MKLN1: variants seen among roughly 807,000 people sequenced by gnomAD.
MKLN1 encodes muskelin 1.
In MKLN1, 18 loss-of-function variants were observed where a neutral mutation model predicts 99.0. That is an observed-to-expected ratio of 0.18 (90% CI 0.13 to 0.27). MKLN1 has a LOEUF of 0.27. Among genes scored for constraint, MKLN1 ranks in the 10% least tolerant of loss-of-function variants. MKLN1 has a pLI of 1.00. For synonymous variants in MKLN1, 288 were observed against 293.2 expected, an observed-to-expected ratio of 0.98 and a Z score of 0.18; for missense variants, 621 against 875.9, an observed-to-expected ratio of 0.71 and a Z score of 3.67.
At chr7:131,148,206 A>G (rs963395822) in intron 2 of MKLN1, among the ~76,000 whole-genome samples, 2 of 152,076 alleles carry the variant, frequency 1.3e-5, no homozygotes, top group African/African-American at 2.4e-5. Flanking sequence ...GAACTACCAC[A>G]TCTGCAGAAT....
chr7:131,281,222 G>A (rs79489971), intron 3 of MKLN1, among the ~76,000 whole-genome samples: 6 of 112,150 alleles, frequency 5.3e-5, no homozygotes, highest in Admixed American at 8.7e-5. Flanking sequence ...TTTTTTTTTT[G>A]TATAGTGTTG....
In MKLN1 at chr7:131,259,187, T is replaced by G. The variant is rs7793099; in HGVS notation, c.-179+56213T>G. ...TGACCACTCATCCTGTGAACCCCTC[T>G]TCTTACCATTAGAAAGTCTGGCCTT... On this transcript the variant is annotated intron_variant, in intron 3 of 7. Transcript: ENST00000416992. Among the ~76,000 whole-genome samples, 1,001 of 152,286 alleles carry G rather than the reference T, an allele frequency of 6.6e-3. 8 individuals carry two copies. Among genetic ancestry groups the G allele is most frequent in the African/African-American group, 0.023 (936 of 41,556 alleles).
chr7:131,311,764 C>T (rs943675679), intron 3 of MKLN1, among the ~76,000 whole-genome samples: 3 of 151,818 alleles, frequency 2.0e-5, no homozygotes, highest in Admixed American at 6.6e-5. Flanking sequence ...AGAGTAAACT[C>T]GGTTTTCCAA....
chr7:131,406,624 G>A (rs1274012223), intron 6 of MKLN1, among the ~76,000 whole-genome samples: 1 of 151,690 alleles, frequency 6.6e-6, no homozygotes, highest in East Asian at 1.9e-4. Flanking sequence ...GTCTAGGATT[G>A]TGTTCATTCC....
intron 2 of MKLN1, among the ~76,000 whole-genome samples, chr7:131,202,595 C>T (rs1009223229): frequency 6.6e-6 from 1 of 152,222 alleles, no homozygotes; most frequent in East Asian, 1.9e-4. Flanking sequence ...CTGTCCTGGG[C>T]ATTATAGGAT....
At chr7:131,173,854 A>G (rs142996603) in intron 2 of MKLN1, among the ~76,000 whole-genome samples, 1 of 152,168 alleles carries the variant, frequency 6.6e-6, no homozygotes, top group African/African-American at 2.4e-5. Context: ...AAAACAAAAC[A>G]ACAAAACAAC....
chr7:131,143,228 G>A (rs1795763069), intron 2 of MKLN1, among the ~76,000 whole-genome samples: 1 of 152,072 alleles, frequency 6.6e-6, no homozygotes, highest in African/African-American at 2.4e-5. Context: ...CAGCACTTTG[G>A]GAGGCCGAGG....
intron 2 of MKLN1, among the ~76,000 whole-genome samples, chr7:131,381,366 A>C (rs113596183): frequency 2.0e-5 from 3 of 152,314 alleles, no homozygotes; most frequent in African/African-American, 7.2e-5. Flanking sequence ...GGGAAGGGTG[A>C]TATTATATCT....
At chr7:131,478,983 T>C in intron 17 of MKLN1, 1 of 374,028 alleles carries the variant, frequency 2.7e-6, no homozygotes, top group Non-Finnish European at 4.9e-6. Flanking sequence ...GCTGTTTTAC[T>C]GATACACACT....
chr7:131,377,817 C>T (rs147047066), intron 2 of MKLN1, among the ~76,000 whole-genome samples: 243 of 152,172 alleles, frequency 1.6e-3, no homozygotes, highest in Non-Finnish European at 2.6e-3. Flanking sequence ...TGATGAGCGA[C>T]GGGTATTACA....
intron 9 of MKLN1, among the ~76,000 whole-genome samples, chr7:131,431,231 C>A (rs200563201): frequency 2.0e-5 from 3 of 149,088 alleles, no homozygotes; most frequent in Non-Finnish European, 4.5e-5. Flanking sequence ...CAAAAAAAAA[C>A]AAAAAAAAAC....
chr7:131,302,152 A>G (rs754607247), intron 3 of MKLN1, among the ~76,000 whole-genome samples: 4 of 152,194 alleles, frequency 2.6e-5, no homozygotes, highest in Non-Finnish European at 5.9e-5. Context: ...CGCCTCTATT[A>G]TATTTTACAT....
chr7:131,266,234 A>G (rs1441933869), intron 3 of MKLN1, among the ~76,000 whole-genome samples: 1 of 151,566 alleles, frequency 6.6e-6, no homozygotes, highest in Non-Finnish European at 1.5e-5. Context: ...GAATAAAGAG[A>G]GTATACTGGA....
upstream of MKLN1, among the ~76,000 whole-genome samples, chr7:131,324,636 G>T (rs1798848218): frequency 6.6e-6 from 1 of 152,144 alleles, no homozygotes; most frequent in Non-Finnish European, 1.5e-5. Context: ...GCTACTGATT[G>T]GCTATACATT....
Position 131,494,458 on chromosome 7 carries a change from TACCAAG to T in MKLN1, c.*6731_*6736del, listed in dbSNP as rs1797502065. 1 of 151,848 alleles carries T rather than the reference TACCAAG, an allele frequency of 6.6e-6. No homozygotes were observed. The highest frequency in any genetic ancestry group is 6.6e-5 in the Admixed American group (1 of 15,256). 9.4% of individuals were successfully genotyped at this position (151,848 alleles called of 1,614,324 possible). On this transcript the variant is annotated 3_prime_UTR_variant, in exon 18 of 18. Coordinates refer to ENST00000352689, the MANE Select transcript of MKLN1 (RefSeq NM_013255.5). ...TCAAATAATACCAAGTTATAAATAA[TACCAAG>T]TAATTATCAACTCACTCCCAAATTT...
chr7:131,178,884 C>T (rs2253996), intron 2 of MKLN1, among the ~76,000 whole-genome samples: 29,094 of 152,082 alleles, frequency 0.19, 3,251 homozygotes, highest in African/African-American at 0.3. Flanking sequence ...TTCAACTCAT[C>T]CACATTTTTA....
intron 2 of MKLN1, among the ~76,000 whole-genome samples, chr7:131,153,631 G>A (rs1795920827): frequency 1.3e-5 from 2 of 149,818 alleles, no homozygotes; most frequent in African/African-American, 2.5e-5. Flanking sequence ...AATGGAGTCT[G>A]TGTAGCTACA....
intron 1 of MKLN1, among the ~76,000 whole-genome samples, chr7:131,124,695 G>A (rs1795426939): frequency 6.6e-6 from 1 of 151,978 alleles, no homozygotes; most frequent in Non-Finnish European, 1.5e-5. Flanking sequence ...CTCCTGCCTT[G>A]TATCCCAGTC....
At chr7:131,373,281 A>G (rs982994471) in intron 1 of MKLN1, among the ~76,000 whole-genome samples, 2 of 151,946 alleles carry the variant, frequency 1.3e-5, no homozygotes, top group African/African-American at 4.8e-5. Flanking sequence ...CTTAATCTCC[A>G]ATTTTTGAAT....
Sources: gnomAD v4.1 joint callset for allele counts (sites outside exome capture counted in the v4.1 genomes callset) on GRCh38, gnomAD v4.1.1 for gene constraint, MANE v1.5 for transcripts, NCBI Gene and HGNC (gene_info 2026-07-23, HGNC 2026-07-21) for gene names.